Variants in PSMA3 observed in about 807,000 individuals in gnomAD.
PSMA3 encodes the protein proteasome 20S subunit alpha 3, also known as proteasome subunit alpha type-3.
A neutral mutation model predicts 40.0 loss-of-function variants in PSMA3; 8 were observed. The observed-to-expected ratio is 0.20, with a 90% CI of 0.12 to 0.36. The LOEUF (loss-of-function observed/expected upper bound fraction) is 0.36, where lower values mean the gene tolerates loss of function less well. Among genes scored for constraint, PSMA3 ranks in the 10% least tolerant of loss-of-function variants. The pLI, the probability that PSMA3 is intolerant of heterozygous loss-of-function variation, is 1.00. For missense variants in PSMA3, 219 were observed against 310.6 expected (o/e 0.70, Z 2.22); for synonymous variants, 110 against 100.0 (o/e 1.10, Z -0.59).
intron 2 of PSMA3, among the ~76,000 whole-genome samples, chr14:58,250,220 CAAAAAA>C (rs10634649): frequency 5.4e-5 from 5 of 93,032 alleles, no homozygotes; most frequent in Middle Eastern, 6.6e-3. Flanking sequence ...ACTCCATCTC[CAAAAAA>C]AAAAAAAAAA....
rs938028387 is a variant in PSMA3, at chr14:58,249,916, TTGAGA to T, written c.104+2086_104+2090del. 1.8e-4 allele frequency among the ~76,000 whole-genome samples: 27 copies of T among 152,100 alleles called. No individual in the cohort carries two copies. The South Asian group carries it at 4.2e-3, about 23-fold the overall frequency. The stretch of plus-strand genomic sequence containing the variant: ...TTTAAACAGTGTGGAAGATGTTGAG[TTGAGA>T]TAATTAAGACAGGCTTCCTGCTGGG... On this transcript the variant is annotated intron_variant, in intron 2 of 10. Transcript: ENST00000216455.
chr14:58,247,478 CTT>C (rs1889906707), intron 1 of PSMA3, among the ~76,000 whole-genome samples: 1 of 152,204 alleles, frequency 6.6e-6, no homozygotes, highest in Non-Finnish European at 1.5e-5. Context: ...CCATATTAAT[CTT>C]TTTCAAAAAT....
chr14:58,246,500 G>C (rs1337454495), intron 1 of PSMA3, among the ~76,000 whole-genome samples: 2 of 152,166 alleles, frequency 1.3e-5, no homozygotes, highest in Non-Finnish European at 2.9e-5. Context: ...CCAGGTTCAA[G>C]CAATTCTCCT....
chr14:58,259,009 G>A (rs2140088006), intron 5 of PSMA3, among the ~76,000 whole-genome samples: 1 of 152,266 alleles, frequency 6.6e-6, no homozygotes, highest in Non-Finnish European at 1.5e-5. Flanking sequence ...ATGGCTGACT[G>A]CAGCTTTGAC....
At chr14:58,260,161 T>C (rs1289856891) in intron 5 of PSMA3, among the ~76,000 whole-genome samples, 2 of 152,216 alleles carry the variant, frequency 1.3e-5, no homozygotes, top group Non-Finnish European at 2.9e-5. Context: ...GGACCTCCCA[T>C]GAATACCAAA....
chr14:58,260,443 G>C (rs771764883), intron 5 of PSMA3, among the ~76,000 whole-genome samples: 56 of 152,174 alleles, frequency 3.7e-4, no homozygotes, highest in Non-Finnish European at 5.3e-4. Context: ...CACAATTTCA[G>C]AAAATCAGTA....
chr14:58,267,063 GATCCCGGCTCAC>G (rs1370770603), intron 7 of PSMA3: 2 of 152,728 alleles, frequency 1.3e-5, no homozygotes, highest in Non-Finnish European at 1.5e-5. Flanking sequence ...GCAGTGGCGT[GATCCCGGCTCAC>G]TACAACCTCT....
intron 5 of PSMA3, among the ~76,000 whole-genome samples, chr14:58,260,735 TTAATAC>T (rs138379179): frequency 0.017 from 2,616 of 152,310 alleles, 25 homozygotes; most frequent in Non-Finnish European, 0.027. Flanking sequence ...ATCAGAAAGA[TTAATAC>T]TAAACAAACA....
chr14:58,264,471 C>T (rs1220346306), intron 7 of PSMA3, among the ~76,000 whole-genome samples: 2 of 152,156 alleles, frequency 1.3e-5, no homozygotes, highest in South Asian at 2.1e-4. Flanking sequence ...AACTTAAAGA[C>T]TTCATGGATA....
chr14:58,263,086 G>A (rs772227333), intron 6 of PSMA3, among the ~76,000 whole-genome samples: 4 of 150,822 alleles, frequency 2.7e-5, no homozygotes, highest in South Asian at 2.1e-4. Flanking sequence ...AGATTCAAGC[G>A]ATTCTCCTGC....
intron 9 of PSMA3, 55 bp downstream of exon 9, chr14:58,270,540 T>C: frequency 1.2e-6 from 2 of 1,607,508 alleles, no homozygotes; most frequent in East Asian, 2.2e-5. Flanking sequence ...CCACAGCTAA[T>C]TTACAACTGA....
At chr14:58,248,128 C>T (rs1594822860) in intron 2 of PSMA3, among the ~76,000 whole-genome samples, 2 of 152,278 alleles carry the variant, frequency 1.3e-5, no homozygotes, top group South Asian at 2.1e-4. Context: ...GCTTCCTCAG[C>T]CATTAGGTTT....
At chr14:58,254,432 GGC>G (rs1229480188) in intron 3 of PSMA3, among the ~76,000 whole-genome samples, 2 of 141,258 alleles carry the variant, frequency 1.4e-5, no homozygotes, top group Non-Finnish European at 3.1e-5. Flanking sequence ...TGCGCTCCTG[GGC>G]TCAAGTGATT....
chr14:58,255,400 G>GGCAT (rs555813487), intron 3 of PSMA3, among the ~76,000 whole-genome samples: 118 of 152,080 alleles, frequency 7.8e-4, no homozygotes, highest in African/African-American at 2.4e-3. Context: ...AAGATGTGGT[G>GGCAT]GCATTGAAAG....
chr14:58,255,661 C>T (rs1398220116), intron 3 of PSMA3, among the ~76,000 whole-genome samples: 2 of 152,102 alleles, frequency 1.3e-5, no homozygotes, highest in Non-Finnish European at 2.9e-5. Flanking sequence ...CCCAGCTACT[C>T]GGGAGGCTGA....
At chr14:58,251,957 G>A (rs1006148718) in intron 2 of PSMA3, among the ~76,000 whole-genome samples, 162 bp from the exon 3 acceptor site, 3 of 152,158 alleles carry the variant, frequency 2.0e-5, no homozygotes, top group African/African-American at 7.2e-5. Context: ...TGGATTTAAT[G>A]TATTTATTAC....
intron 2 of PSMA3, among the ~76,000 whole-genome samples, chr14:58,248,495 G>A (rs1308132200): frequency 1.3e-5 from 2 of 151,632 alleles, no homozygotes; most frequent in Non-Finnish European, 2.9e-5. Flanking sequence ...CTCCCAGAGA[G>A]TAGCCCCAGT....
intron 3 of PSMA3, 137 bp from the exon 4 acceptor site, chr14:58,257,606 TAG>T: frequency 3.1e-6 from 2 of 638,256 alleles, no homozygotes; most frequent in Non-Finnish European, 2.7e-6. Flanking sequence ...AAATGCCTTG[TAG>T]AGAGACCTTT....
chr14:58,260,511 A>G (rs539365652), intron 5 of PSMA3, among the ~76,000 whole-genome samples: 4 of 152,342 alleles, frequency 2.6e-5, no homozygotes, highest in African/African-American at 9.6e-5. Context: ...CACTGAACCA[A>G]TTCTGATTAT....
Sources: gnomAD v4.1 joint callset for allele counts (sites outside exome capture counted in the v4.1 genomes callset) on GRCh38, gnomAD v4.1.1 for gene constraint, MANE v1.5 for transcripts, NCBI Gene and HGNC (gene_info 2026-07-23, HGNC 2026-07-21) for gene names.